Variants in ADARB2 observed in about 807,000 individuals in gnomAD.
The protein encoded by ADARB2 is inactive double-stranded RNA-specific editase B2.
Under a neutral mutation model 62.2 loss-of-function variants are expected in ADARB2, and 25 were observed. That is an observed-to-expected ratio of 0.40 (90% CI 0.29 to 0.56). The LOEUF is 0.56. ADARB2 is among the 20% of genes least tolerant of loss of function. The pLI is 0.43. For synonymous variants in ADARB2, 572 were observed against 500.8 expected (o/e 1.14, Z -1.90); for missense variants, 1,071 against 1,077.4 (o/e 0.99, Z 0.08).
At chr10:1,467,054 C>T (rs1391205151) in intron 1 of ADARB2, among the ~76,000 whole-genome samples, 1 of 152,090 alleles carries the variant, frequency 6.6e-6, no homozygotes, top group Non-Finnish European at 1.5e-5. Context: ...ATCTCTCTCT[C>T]TCTCTCTCGC....
intron 3 of ADARB2, among the ~76,000 whole-genome samples, chr10:1,287,110 C>A (rs1831421306): frequency 6.6e-6 from 1 of 152,072 alleles, no homozygotes; most frequent in Admixed American, 6.6e-5. Flanking sequence ...TGAAGTTGGC[C>A]TCTGTCTTGG....
intron 1 of ADARB2, chr10:1,675,021 TAC>T (rs1834445859): frequency 1.0e-6 from 1 of 981,140 alleles, no homozygotes; most frequent in African/African-American, 1.8e-5. Flanking sequence ...GGTTTGGGGG[TAC>T]ATGGATGTTC....
chr10:1,446,494 CAGTGGCACAGTGGGTAAGTATGAGTGCTG>C (rs1256470522), intron 1 of ADARB2, among the ~76,000 whole-genome samples: 5 of 152,208 alleles, frequency 3.3e-5, no homozygotes, highest in African/African-American at 1.2e-4. Context: ...CAGAGCTTTT[CAGTGGCACAGTGGGTAAGTATGAGTGCTG>C]AGGTCAGGGC....
chr10:1,644,163 C>T (rs1256945946), intron 1 of ADARB2, among the ~76,000 whole-genome samples: 1 of 152,176 alleles, frequency 6.6e-6, no homozygotes, highest in Non-Finnish European at 1.5e-5. Flanking sequence ...ACAAAGAGCT[C>T]AAGGATAATT....
chr10:1,452,190 T>C (rs1831049356), intron 1 of ADARB2, among the ~76,000 whole-genome samples: 1 of 152,156 alleles, frequency 6.6e-6, no homozygotes, highest in Non-Finnish European at 1.5e-5. Flanking sequence ...GCTTTCCAGC[T>C]GCGGGAATTC....
chr10:1,582,947 TC>T (rs1379918601), intron 1 of ADARB2, among the ~76,000 whole-genome samples: 1 of 152,204 alleles, frequency 6.6e-6, no homozygotes, highest in Non-Finnish European at 1.5e-5. Flanking sequence ...CATGGGCCTG[TC>T]TTGGAAAGCC....
At position 1,200,052 on chromosome 10, in the gene ADARB2, C is replaced by T; in HGVS notation, c.1778G>A (p.Gly593Asp). ...GTGGCTCATGACGCGTGCGAGGTGG[C>T]CCGTGTGGTGCAGGCTGCCCACCAC... ...SIVVGSLHHT[G>D]HLARVMSHRM... The change falls in exon 8 of 10, where the codon GGC becomes GAC. Residue 593 changes from glycine to aspartate, a missense_variant. Coordinates refer to ENST00000381312, the MANE Select transcript of ADARB2 (RefSeq NM_018702.4). 2 of 1,594,560 alleles carry T rather than the reference C, an allele frequency of 1.3e-6. No individual in the cohort carries two copies. The highest frequency in any genetic ancestry group is 1.7e-6 in the Non-Finnish European group (2 of 1,174,524).
chr10:1,569,767 T>A (rs890008008), intron 1 of ADARB2, among the ~76,000 whole-genome samples: 2 of 152,210 alleles, frequency 1.3e-5, no homozygotes, highest in South Asian at 2.1e-4. Flanking sequence ...TCATTTTTTT[T>A]TAAAAAAATG....
At chr10:1,486,051 T>G (rs897378423) in intron 1 of ADARB2, among the ~76,000 whole-genome samples, 1 of 152,174 alleles carries the variant, frequency 6.6e-6, no homozygotes, top group Non-Finnish European at 1.5e-5. Context: ...TATGGTTGTA[T>G]TGAAGGGAGA....
chr10:1,382,224 A>G (rs536706422), intron 1 of ADARB2, among the ~76,000 whole-genome samples: 15 of 152,382 alleles, frequency 9.8e-5, no homozygotes, highest in Admixed American at 7.2e-4. Flanking sequence ...ACTCCTAGTT[A>G]TGCCTAACCA....
At chr10:1,724,546 G>A (rs1293003612) in intron 1 of ADARB2, among the ~76,000 whole-genome samples, 1 of 152,208 alleles carries the variant, frequency 6.6e-6, no homozygotes, top group African/African-American at 2.4e-5. Flanking sequence ...AGGAGGGCCT[G>A]CCTGTCATCC....
chr10:1,558,463 C>T (rs1371959765), intron 1 of ADARB2, among the ~76,000 whole-genome samples: 3 of 114,274 alleles, frequency 2.6e-5, no homozygotes, highest in East Asian at 5.2e-4. Context: ...CCCACCTCTG[C>T]CCCCCTCCGT....
intron 1 of ADARB2, among the ~76,000 whole-genome samples, chr10:1,615,590 A>G (rs1833622108): frequency 6.6e-6 from 1 of 152,250 alleles, no homozygotes; most frequent in African/African-American, 2.4e-5. Flanking sequence ...TCGAATGGGA[A>G]TTGGGCTCTC....
At chr10:1,362,089 A>G (rs4880832) in intron 3 of ADARB2, among the ~76,000 whole-genome samples, 147,489 of 152,322 alleles carry the variant, frequency 0.97, 71,562 homozygotes, top group Middle Eastern at 1. Context: ...GGAGGCAGGA[A>G]AATAGGGTCT....
intron 3 of ADARB2, among the ~76,000 whole-genome samples, chr10:1,315,924 A>G (rs1456470049): frequency 6.6e-6 from 1 of 152,230 alleles, no homozygotes; most frequent in Non-Finnish European, 1.5e-5. Context: ...TGATCTTTAA[A>G]TAGCTTTTCT....
chr10:1,585,927 G>A (rs557778028), intron 1 of ADARB2, among the ~76,000 whole-genome samples: 22 of 152,254 alleles, frequency 1.4e-4, no homozygotes, highest in Admixed American at 2.6e-4. Flanking sequence ...CCAGCTACTT[G>A]GGAGGCTGAG....
At chr10:1,594,684 GAATT>G (rs1833307435) in intron 1 of ADARB2, among the ~76,000 whole-genome samples, 1 of 152,324 alleles carries the variant, frequency 6.6e-6, no homozygotes, top group South Asian at 2.1e-4. Context: ...CTCCTTTTCA[GAATT>G]AACAGTTAAA....
At chr10:1,731,146 A>C (rs997486057) in intron 1 of ADARB2, among the ~76,000 whole-genome samples, 5 of 152,146 alleles carry the variant, frequency 3.3e-5, no homozygotes, top group Admixed American at 6.6e-5. Flanking sequence ...AAAAGCAAAC[A>C]TGTCAGTTTC....
chr10:1,440,563 A>G (rs547173960), intron 1 of ADARB2, among the ~76,000 whole-genome samples: 2 of 152,256 alleles, frequency 1.3e-5, no homozygotes, highest in African/African-American at 4.8e-5. Context: ...GCTACACATA[A>G]TATTTTCAAT....
Sources: gnomAD v4.1 joint callset for allele counts (sites outside exome capture counted in the v4.1 genomes callset) on GRCh38, gnomAD v4.1.1 for gene constraint, MANE v1.5 for transcripts, NCBI Gene and HGNC (gene_info 2026-07-23, HGNC 2026-07-21) for gene names.